VSNL1: variants seen among roughly 807,000 people sequenced by gnomAD.
VSNL1 encodes the protein visinin like 1.
In VSNL1, 6 loss-of-function variants were observed where a neutral mutation model predicts 20.4. That is an observed-to-expected ratio of 0.29 (90% CI 0.16 to 0.58). The LOEUF (loss-of-function observed/expected upper bound fraction) is 0.58. VSNL1 is among the 20% of genes least tolerant of loss of function. The pLI, the probability that VSNL1 is intolerant of heterozygous loss-of-function variation, is 0.90. For missense variants in VSNL1, 100 were observed against 234.5 expected (o/e 0.43, Z 3.75); for synonymous variants, 93 against 86.4 (o/e 1.08, Z -0.42).
At chr2:17,630,119 T>C (rs1338648150) in intron 2 of VSNL1, among the ~76,000 whole-genome samples, 7 of 152,238 alleles carry the variant, frequency 4.6e-5, no homozygotes, top group Admixed American at 3.9e-4. Context: ...AGATTCTCAA[T>C]CTCGTCCGTG....
At chr2:17,581,984 G>A (rs1324330017) in intron 1 of VSNL1, among the ~76,000 whole-genome samples, 2 of 152,204 alleles carry the variant, frequency 1.3e-5, no homozygotes, top group African/African-American at 4.8e-5. Flanking sequence ...AGCAACAGCA[G>A]TTGTGTAATT....
chr2:17,579,090 A>T (rs1341885141), intron 1 of VSNL1, among the ~76,000 whole-genome samples: 1 of 151,648 alleles, frequency 6.6e-6, no homozygotes, highest in African/African-American at 2.4e-5. Context: ...CTGCCTAACA[A>T]AGCCCCCTTC....
chr2:17,541,193 T>C (rs553703992), intron 1 of VSNL1: 21 of 152,208 alleles, frequency 1.4e-4, no homozygotes, highest in Non-Finnish European at 2.9e-4. Context: ...ACTGAGATGC[T>C]TTCTTAGTTT....
intron 2 of VSNL1, among the ~76,000 whole-genome samples, chr2:17,602,350 A>C (rs997635235): frequency 6.6e-6 from 1 of 152,212 alleles, no homozygotes; most frequent in African/African-American, 2.4e-5. Flanking sequence ...CCTGAACTCC[A>C]GGTCAGCTTC....
chr2:17,597,387 G>C (rs150094500), intron 2 of VSNL1, among the ~76,000 whole-genome samples: 1 of 152,268 alleles, frequency 6.6e-6, no homozygotes, highest in Non-Finnish European at 1.5e-5. Context: ...CAGATGAGGG[G>C]AGAGGTCCTC....
At chr2:17,592,335 T>G in intron 2 of VSNL1, 99 bp downstream of exon 2, 3 of 1,311,424 alleles carry the variant, frequency 2.3e-6, no homozygotes, top group Middle Eastern at 2.4e-4. Flanking sequence ...AAGTAGCTAG[T>G]TTGTTTCAAC....
chr2:17,556,328 A>G (rs1663676956), intron 1 of VSNL1, among the ~76,000 whole-genome samples: 1 of 152,226 alleles, frequency 6.6e-6, no homozygotes. Flanking sequence ...TATTGGTAGA[A>G]TCTAATAAAA....
rs771934863 is a variant in VSNL1 at position 17,655,440 on chromosome 2, T to G, written c.*46T>G. Reference sequence around the variant, plus strand: ...CTGCACAAAAGTCTCAATGTTCCATTCAGTCTGCAGCTATTCACACACACA... The same window carrying G: ...CTGCACAAAAGTCTCAATGTTCCATGCAGTCTGCAGCTATTCACACACACA... On this transcript the variant is annotated 3_prime_UTR_variant, in exon 4 of 4. Transcript: ENST00000295156. The surrounding 1 kb of genome is among the most constrained non-coding windows in gnomAD (Gnocchi z 5.2). 2.7e-6 allele frequency: 4 copies of G among 1,460,100 alleles called. No homozygotes were observed. In the South Asian group the frequency reaches 3.5e-5, roughly 13 times the overall value. The allele number at this position is 1,460,100 out of a possible 1,614,324, so 90.4% of individuals were successfully genotyped here. A position where few individuals can be genotyped will look rare whatever the true frequency, so the allele number is the denominator to read the frequency against.
At chr2:17,613,687 A>T (rs1665145180) in intron 2 of VSNL1, among the ~76,000 whole-genome samples, 1 of 152,180 alleles carries the variant, frequency 6.6e-6, no homozygotes, top group African/African-American at 2.4e-5. Context: ...AGCCATACAC[A>T]GGGGAATGCT....
chr2:17,605,292 C>T (rs62132140), intron 2 of VSNL1, among the ~76,000 whole-genome samples: 3 of 152,190 alleles, frequency 2.0e-5, no homozygotes, highest in East Asian at 1.9e-4. Context: ...GGGGACTATG[C>T]CCCCTTGGTG....
chr2:17,587,109 G>T lies in VSNL1; in HGVS notation c.-5-4961G>T, dbSNP rs549744360. On this transcript the variant is annotated intron_variant, in intron 1 of 3. Coordinates refer to ENST00000295156, the MANE Select transcript of VSNL1 (RefSeq NM_003385.5). ...CCTTTGCTCTCAGCCCTATTTCCAAGGTTGTTTTCCCACTGCTGTGTTTAT... is the reference window on the plus strand; with the variant it reads ...CCTTTGCTCTCAGCCCTATTTCCAATGTTGTTTTCCCACTGCTGTGTTTAT... Among the ~76,000 whole-genome samples, 5 of 152,266 alleles carry T rather than the reference G, an allele frequency of 3.3e-5. No individual in the cohort carries two copies. In the East Asian group the frequency reaches 9.6e-4, roughly 29 times the overall value.
chr2:17,632,011 C>T (rs11675339), intron 2 of VSNL1, among the ~76,000 whole-genome samples: 25,177 of 152,088 alleles, frequency 0.17, 2,784 homozygotes, highest in Middle Eastern at 0.33. Flanking sequence ...CTCAGCCTCC[C>T]ACGTAGCTGG....
chr2:17,627,996 T>C (rs1288448588), intron 2 of VSNL1, among the ~76,000 whole-genome samples: 1 of 152,276 alleles, frequency 6.6e-6, no homozygotes, highest in Non-Finnish European at 1.5e-5. Context: ...CAGTTAGGTC[T>C]GATATCTTTC....
chr2:17,563,057 T>C (rs1018614059), intron 1 of VSNL1, among the ~76,000 whole-genome samples: 1 of 152,126 alleles, frequency 6.6e-6, no homozygotes, highest in Non-Finnish European at 1.5e-5. Flanking sequence ...AATAGAGCCA[T>C]TTCTGCTAAC....
chr2:17,652,491 T>G (rs762162499), intron 3 of VSNL1, among the ~76,000 whole-genome samples: 12 of 151,898 alleles, frequency 7.9e-5, no homozygotes, highest in African/African-American at 2.7e-4. Context: ...TTCAGAGGAG[T>G]TGGTGGCAAA....
chr2:17,547,239 T>C (rs1408368915), intron 1 of VSNL1, among the ~76,000 whole-genome samples: 7 of 152,042 alleles, frequency 4.6e-5, no homozygotes, highest in Non-Finnish European at 8.8e-5. Flanking sequence ...TTTCTAATAG[T>C]AATTCACAGG....
intron 1 of VSNL1, among the ~76,000 whole-genome samples, chr2:17,587,429 G>A (rs1664502199): frequency 6.6e-6 from 1 of 151,552 alleles, no homozygotes; most frequent in South Asian, 2.1e-4. Flanking sequence ...AATACCCAAA[G>A]GGCTTATGGA....
chr2:17,613,254 C>A (rs1420220215), intron 2 of VSNL1, among the ~76,000 whole-genome samples: 1 of 152,170 alleles, frequency 6.6e-6, no homozygotes, highest in Non-Finnish European at 1.5e-5. Flanking sequence ...CTCAAATCTT[C>A]AGCAAGGGAT....
At chr2:17,610,411 C>G (rs898130508) in intron 2 of VSNL1, among the ~76,000 whole-genome samples, 44 of 152,070 alleles carry the variant, frequency 2.9e-4, no homozygotes, top group African/African-American at 1.0e-3. Context: ...GAAGAGGCTC[C>G]AGGAAGGCCT....
Sources: allele counts gnomAD v4.1 joint callset (sites outside exome capture counted in the v4.1 genomes callset), GRCh38; gene constraint gnomAD v4.1.1; non-coding constraint Gnocchi (gnomAD v3.1); transcripts MANE v1.5; gene names NCBI Gene and HGNC (gene_info 2026-07-23, HGNC 2026-07-21).